The following DGKB variants were observed in gnomAD, a reference collection of about 807,000 sequenced individuals.
The protein encoded by DGKB is diacylglycerol kinase beta.
In DGKB, 67 loss-of-function variants were observed where a neutral mutation model predicts 114.3. The ratio of observed to expected loss-of-function variants is 0.59; its 90% CI spans 0.48 to 0.72. The LOEUF (loss-of-function observed/expected upper bound fraction) is 0.72. DGKB is among the 30% of genes least tolerant of loss of function. DGKB has a pLI of 0.00. For synonymous variants in DGKB, 398 were observed against 323.1 expected (o/e 1.23, Z -2.49); for missense variants, 907 against 975.2 (o/e 0.93, Z 0.93).
At chr7:14,863,776 G>A (rs1447554552) in intron 1 of DGKB, among the ~76,000 whole-genome samples, 1 of 151,880 alleles carries the variant, frequency 6.6e-6, no homozygotes, top group East Asian at 1.9e-4. Context: ...TGATTCTGGG[G>A]CAGTATATGT....
intron 20 of DGKB, among the ~76,000 whole-genome samples, chr7:14,517,864 G>T (rs1160784253): frequency 6.6e-6 from 1 of 152,124 alleles, no homozygotes; most frequent in Non-Finnish European, 1.5e-5. Context: ...CTGCAGGTGG[G>T]AATGTAAATG....
intron 13 of DGKB, among the ~76,000 whole-genome samples, chr7:14,663,143 A>G (rs1181749366): frequency 1.3e-5 from 2 of 152,030 alleles, no homozygotes; most frequent in African/African-American, 2.4e-5. Context: ...ATACTGCCAG[A>G]GTTCTAAGGT....
At chr7:14,792,848 C>T (rs2128022497) in intron 2 of DGKB, among the ~76,000 whole-genome samples, 2 of 152,170 alleles carry the variant, frequency 1.3e-5, no homozygotes, top group South Asian at 2.1e-4. Flanking sequence ...TAATACTAGT[C>T]CCATAAAAGG....
At chr7:14,606,227 A>T (rs983241638) in intron 17 of DGKB, among the ~76,000 whole-genome samples, 3 of 152,078 alleles carry the variant, frequency 2.0e-5, no homozygotes, top group African/African-American at 7.2e-5. Context: ...GACTTCCTGC[A>T]TGTAGCTAGC....
chr7:14,642,261 C>CT, intron 13 of DGKB, among the ~76,000 whole-genome samples: 1 of 152,052 alleles, frequency 6.6e-6, no homozygotes, highest in Non-Finnish European at 1.5e-5. Flanking sequence ...TATTCTTGAC[C>CT]ATCTAAAACT....
At chr7:14,921,338 A>T (rs981346109) in intron 1 of DGKB, among the ~76,000 whole-genome samples, 1 of 152,144 alleles carries the variant, frequency 6.6e-6, no homozygotes, top group East Asian at 1.9e-4. Context: ...GGAGAAGGAG[A>T]AGGGTATATA....
rs552835889 is a variant in DGKB, at chr7:14,325,155, C to T, written c.2122+13360G>A. ...CCCTTACAGCCACTTAGAGAGTGCT[C>T]TTATAAACAGCTCTGTGCATCACCA... On this transcript the variant is annotated intron_variant, in intron 23 of 25. Transcript: ENST00000402815. Among the ~76,000 whole-genome samples the T allele has an allele frequency of 5.6e-4, 86 of 152,220 alleles. 1 individual carries two copies. The South Asian group carries it at 0.016, about 29-fold the overall frequency.
intron 6 of DGKB, among the ~76,000 whole-genome samples, chr7:14,711,535 A>G (rs1016404944): frequency 6.6e-6 from 1 of 152,180 alleles, no homozygotes; most frequent in Non-Finnish European, 1.5e-5. Context: ...TGAAATAGGT[A>G]TAAATCTATA....
chr7:14,880,721 T>C (rs1160965495), intron 1 of DGKB, among the ~76,000 whole-genome samples: 1 of 152,206 alleles, frequency 6.6e-6, no homozygotes, highest in Non-Finnish European at 1.5e-5. Context: ...AACAAAATGC[T>C]TAAGTATCAA....
At chr7:14,313,690 C>T (rs6954040) in intron 23 of DGKB, among the ~76,000 whole-genome samples, 7,543 of 151,938 alleles carry the variant, frequency 0.05, 448 homozygotes, top group African/African-American at 0.14. Flanking sequence ...TGCAAGGCGG[C>T]AGCGAGGCTG....
chr7:14,682,716 G>A (rs763528519), intron 11 of DGKB, 37 bp downstream of exon 11: 2 of 1,604,672 alleles, frequency 1.2e-6, no homozygotes, highest in East Asian at 2.2e-5. Flanking sequence ...ACTACATAAT[G>A]GCCACCTTCA....
chr7:14,654,950 C>A (rs912575045), intron 13 of DGKB, among the ~76,000 whole-genome samples: 1 of 151,802 alleles, frequency 6.6e-6, no homozygotes, highest in Non-Finnish European at 1.5e-5. Context: ...AGGGGGATTT[C>A]TTTGGGACTC....
intron 1 of DGKB, among the ~76,000 whole-genome samples, chr7:14,893,157 C>T (rs565585740): frequency 3.0e-4 from 45 of 151,264 alleles, no homozygotes; most frequent in Non-Finnish European, 5.8e-4. Flanking sequence ...CACTCTGTCT[C>T]CATTTCCTGA....
chr7:14,164,346 A>T (rs572809619), intron 25 of DGKB, among the ~76,000 whole-genome samples: 1 of 152,332 alleles, frequency 6.6e-6, no homozygotes, highest in East Asian at 1.9e-4. Context: ...TCGCTGTGCA[A>T]CTTTTAACTA....
intron 20 of DGKB, among the ~76,000 whole-genome samples, chr7:14,492,780 A>G (rs1395585040): frequency 1.3e-5 from 2 of 152,170 alleles, no homozygotes; most frequent in African/African-American, 4.8e-5. Flanking sequence ...AATCCTTTTG[A>G]TAGCTTACAT....
At chr7:14,757,516 C>A in intron 3 of DGKB, 139 bp downstream of exon 3, 2 of 534,756 alleles carry the variant, frequency 3.7e-6, no homozygotes, top group South Asian at 2.8e-5. Flanking sequence ...ATACATACAT[C>A]TGTATCATAC....
intron 21 of DGKB, among the ~76,000 whole-genome samples, chr7:14,457,283 T>G (rs550210292): frequency 1.3e-5 from 2 of 152,270 alleles, no homozygotes; most frequent in African/African-American, 4.8e-5. Flanking sequence ...CACCTGCCAT[T>G]AATTTCTGTA....
At chr7:14,777,594 G>C (rs1229772400) in intron 2 of DGKB, among the ~76,000 whole-genome samples, 2 of 152,098 alleles carry the variant, frequency 1.3e-5, no homozygotes, top group Non-Finnish European at 2.9e-5. Context: ...ATGTGAAGAA[G>C]GGCATGTTTG....
At chr7:14,186,383 A>G (rs1584326099) in intron 23 of DGKB, among the ~76,000 whole-genome samples, 1 of 152,246 alleles carries the variant, frequency 6.6e-6, no homozygotes, top group Non-Finnish European at 1.5e-5. Flanking sequence ...GTTGGTGTGT[A>G]TGTGGTGAAT....
Sources: gnomAD v4.1 joint callset for allele counts (sites outside exome capture counted in the v4.1 genomes callset) on GRCh38, gnomAD v4.1.1 for gene constraint, MANE v1.5 for transcripts, NCBI Gene and HGNC (gene_info 2026-07-23, HGNC 2026-07-21) for gene names.